The following CARMIL1 variants were observed in gnomAD, a reference collection of about 807,000 sequenced individuals.
CARMIL1 encodes the protein capping protein regulator and myosin 1 linker 1.
CARMIL1 carries 90 observed loss-of-function variants against 177.1 expected under a neutral mutation model. The ratio of observed to expected loss-of-function variants is 0.51; its 90% CI spans 0.43 to 0.61. CARMIL1 has a LOEUF of 0.61. CARMIL1 is among the 20% of genes least tolerant of loss of function. The pLI is 0.00. For missense variants in CARMIL1, 1,380 were observed against 1,667.0 expected, an observed-to-expected ratio of 0.83 and a Z score of 3.00; for synonymous variants, 577 against 606.2, an observed-to-expected ratio of 0.95 and a Z score of 0.71.
intron 2 of CARMIL1, among the ~76,000 whole-genome samples, chr6:25,396,551 G>T (rs1217526306): frequency 6.6e-6 from 1 of 151,700 alleles, no homozygotes; most frequent in Non-Finnish European, 1.5e-5. Flanking sequence ...TAGTAGAGAC[G>T]GGGTTTCACC....
intron 24 of CARMIL1, among the ~76,000 whole-genome samples, chr6:25,530,430 G>T (rs889393041): frequency 6.6e-6 from 1 of 152,054 alleles, no homozygotes; most frequent in African/African-American, 2.4e-5. Context: ...CAGGAGAATC[G>T]CTTGAACCTG....
chr6:25,417,375 T>C (rs1795452728), intron 2 of CARMIL1, among the ~76,000 whole-genome samples: 1 of 152,182 alleles, frequency 6.6e-6, no homozygotes, highest in South Asian at 2.1e-4. Flanking sequence ...CAAAATGATC[T>C]CCTGCCCTTT....
intron 2 of CARMIL1, among the ~76,000 whole-genome samples, chr6:25,365,274 A>G (rs1451919067): frequency 6.6e-6 from 1 of 152,122 alleles, no homozygotes; most frequent in Non-Finnish European, 1.5e-5. Flanking sequence ...AAAGGTGGAG[A>G]TTCTTGCACA....
At position 25,453,109 on chromosome 6, in the gene CARMIL1, AAAAG is replaced by A. The variant is rs768695255; in HGVS notation, c.614+2404_614+2407del. ...TTCCTCTTGTATAATAGCAAAAGAA[AAAAG>A]AAAGACATTTCATAACTATCATCAC... On this transcript the variant is annotated intron_variant, in intron 8 of 36. Transcript: ENST00000329474. Among the ~76,000 whole-genome samples the A allele has an allele frequency of 5.3e-5, 8 of 152,328 alleles. No individual in the cohort carries two copies. In the East Asian group the frequency reaches 7.7e-4, roughly 15 times the overall value.
chr6:25,332,647 T>C (rs1190005888), intron 2 of CARMIL1, among the ~76,000 whole-genome samples: 1 of 152,036 alleles, frequency 6.6e-6, no homozygotes, highest in Non-Finnish European at 1.5e-5. Flanking sequence ...GTAATACTTG[T>C]TACATATCCA....
intron 11 of CARMIL1, among the ~76,000 whole-genome samples, chr6:25,474,837 G>A (rs1357911714): frequency 2.0e-5 from 3 of 152,094 alleles, no homozygotes; most frequent in Non-Finnish European, 4.4e-5. Flanking sequence ...CATATTTATC[G>A]ACAGACAAGA....
chr6:25,357,834 CAATAAGGT>C (rs1432032904), intron 2 of CARMIL1, among the ~76,000 whole-genome samples: 1 of 152,182 alleles, frequency 6.6e-6, no homozygotes, highest in Non-Finnish European at 1.5e-5. Context: ...CAACTTTAAT[CAATAAGGT>C]GGAAATAATG....
At chr6:25,448,211 CA>C (rs1798428251) in intron 5 of CARMIL1, among the ~76,000 whole-genome samples, 2 of 152,176 alleles carry the variant, frequency 1.3e-5, no homozygotes, top group Non-Finnish European at 2.9e-5. Flanking sequence ...CCCATCTAAT[CA>C]TCACGTACTC....
At chr6:25,547,659 C>T (rs1809646304) in intron 26 of CARMIL1, among the ~76,000 whole-genome samples, 1 of 152,096 alleles carries the variant, frequency 6.6e-6, no homozygotes, top group Non-Finnish European at 1.5e-5. Flanking sequence ...CAATTGCCAC[C>T]AGGTTATAAC....
At chr6:25,290,736 C>T (rs1204381785) in intron 2 of CARMIL1, among the ~76,000 whole-genome samples, 1 of 152,148 alleles carries the variant, frequency 6.6e-6, no homozygotes, top group Non-Finnish European at 1.5e-5. Context: ...CTCTTTAAAA[C>T]TGCCCATCTG....
At chr6:25,481,608 C>A (rs893138227) in intron 11 of CARMIL1, among the ~76,000 whole-genome samples, 1 of 152,178 alleles carries the variant, frequency 6.6e-6, no homozygotes, top group Non-Finnish European at 1.5e-5. Context: ...AGAAAACAGT[C>A]TATGCTCATT....
At chr6:25,580,612 CTT>C (rs1562305995) in intron 29 of CARMIL1, among the ~76,000 whole-genome samples, 1 of 152,128 alleles carries the variant, frequency 6.6e-6, no homozygotes, top group South Asian at 2.1e-4. Context: ...TTTTAACAGT[CTT>C]TGATTTTTAT....
chr6:25,464,678 G>T (rs1170276339), intron 8 of CARMIL1, among the ~76,000 whole-genome samples: 2 of 152,106 alleles, frequency 1.3e-5, no homozygotes, highest in African/African-American at 4.8e-5. Context: ...AATAATTGGG[G>T]GTGGTAGGGG....
chr6:25,545,408 G>A (rs912856988), intron 26 of CARMIL1, among the ~76,000 whole-genome samples: 17 of 120,224 alleles, frequency 1.4e-4, no homozygotes, highest in South Asian at 5.3e-4. Flanking sequence ...AAGTGTGTGA[G>A]CATCTAATCA....
At chr6:25,294,855 C>T (rs114807294) in intron 2 of CARMIL1, among the ~76,000 whole-genome samples, 3,639 of 152,218 alleles carry the variant, frequency 0.024, 60 homozygotes, top group Non-Finnish European at 0.038. Flanking sequence ...ACATGCTTGG[C>T]GAACACCCTT....
chr6:25,520,621 C>G (rs1234294849), intron 23 of CARMIL1, among the ~76,000 whole-genome samples: 1 of 152,116 alleles, frequency 6.6e-6, no homozygotes, highest in African/African-American at 2.4e-5. Context: ...TCTTGATTGG[C>G]TGGGGGAGAA....
chr6:25,538,309 C>G (rs1274646940), intron 25 of CARMIL1, among the ~76,000 whole-genome samples: 1 of 152,216 alleles, frequency 6.6e-6, no homozygotes, highest in African/African-American at 2.4e-5. Context: ...AAACTCCCCT[C>G]TGTTACCCCT....
intron 2 of CARMIL1, among the ~76,000 whole-genome samples, chr6:25,419,086 G>A (rs947116233): frequency 1.3e-5 from 2 of 152,188 alleles, no homozygotes; most frequent in African/African-American, 2.4e-5. Flanking sequence ...CAGCTTAGCC[G>A]TTCAAGCCCG....
intron 31 of CARMIL1, among the ~76,000 whole-genome samples, chr6:25,588,138 C>T (rs1188373661): frequency 6.6e-6 from 1 of 152,106 alleles, no homozygotes; most frequent in South Asian, 2.1e-4. Context: ...AGGTTATATA[C>T]AAATACTATG....
Sources: allele counts gnomAD v4.1 joint callset (sites outside exome capture counted in the v4.1 genomes callset), GRCh38; gene constraint gnomAD v4.1.1; transcripts MANE v1.5; gene names NCBI Gene and HGNC (gene_info 2026-07-23, HGNC 2026-07-21).